The following FRMD3 variants were observed in gnomAD, a reference collection of about 807,000 sequenced individuals.
The protein encoded by FRMD3 is FERM domain containing 3.
Under a neutral mutation model 70.2 loss-of-function variants are expected in FRMD3, and 33 were observed. The ratio of observed to expected loss-of-function variants is 0.47; its 90% CI spans 0.36 to 0.63. FRMD3 has a LOEUF of 0.63. Ranked by LOEUF, FRMD3 falls within the 20% of genes least tolerant of loss-of-function variation. FRMD3 has a pLI of 0.00. For missense variants in FRMD3, 632 were observed against 711.4 expected (o/e 0.89, Z 1.27); for synonymous variants, 279 against 255.9 (o/e 1.09, Z -0.86).
At chr9:83,285,990 T>C (rs1201795071) in intron 13 of FRMD3, among the ~76,000 whole-genome samples, 1 of 152,204 alleles carries the variant, frequency 6.6e-6, no homozygotes, top group African/African-American at 2.4e-5. Flanking sequence ...GGAACTGATT[T>C]TGTTTTTTCT....
chr9:83,517,506 A>C (rs1383698260), intron 1 of FRMD3, among the ~76,000 whole-genome samples: 1 of 150,628 alleles, frequency 6.6e-6, no homozygotes, highest in East Asian at 1.9e-4. Context: ...AAAAAAAAAA[A>C]AAAAAAAAAA....
chr9:83,312,690 C>T (rs1181300005), intron 7 of FRMD3, among the ~76,000 whole-genome samples: 2 of 152,164 alleles, frequency 1.3e-5, no homozygotes, highest in African/African-American at 4.8e-5. Context: ...CCTGGCTCTC[C>T]GCCTTGGCTG....
chr9:83,362,211 A>ATCTCTCTCTCTC (rs1564035399), intron 3 of FRMD3, among the ~76,000 whole-genome samples: 1 of 141,664 alleles, frequency 7.1e-6, no homozygotes, highest in African/African-American at 2.6e-5. Flanking sequence ...CTCTCTCTCA[A>ATCTCTCTCTCTC]TCTCAATCTC....
Position 83,245,000 on chromosome 9 carries a change from T to C in FRMD3, c.*2918A>G. 1 of 983,868 alleles carries C rather than the reference T, an allele frequency of 1.0e-6. No homozygotes were observed. Among genetic ancestry groups the C allele is most frequent in the Non-Finnish European group, 1.2e-6 (1 of 828,480 alleles). 60.9% of individuals were successfully genotyped at this position (983,868 alleles called of 1,614,324 possible). Reference sequence around the variant, plus strand: ...TGTGTGTATTATATATATTTATTTATATCCACAAATGTACACTCAGTGGCA... The same window carrying C: ...TGTGTGTATTATATATATTTATTTACATCCACAAATGTACACTCAGTGGCA... On this transcript the variant is annotated 3_prime_UTR_variant, in exon 14 of 14. Coordinates refer to ENST00000304195, the MANE Select transcript of FRMD3 (RefSeq NM_174938.6).
intron 3 of FRMD3, among the ~76,000 whole-genome samples, chr9:83,360,681 C>A (rs1358361850): frequency 1.6e-4 from 25 of 152,178 alleles, no homozygotes; most frequent in Admixed American, 1.6e-3. Flanking sequence ...ACGAGGAGTG[C>A]TAGGTACTCC....
At chr9:83,357,274 TATATATA>T (rs1824422304) in intron 3 of FRMD3, among the ~76,000 whole-genome samples, 3 of 58,046 alleles carry the variant, frequency 5.2e-5, no homozygotes, top group African/African-American at 2.5e-4. Context: ...TATATATATA[TATATATA>T]TATATATATA....
At chr9:83,416,753 C>CTCTCTG (rs1826459047) in intron 1 of FRMD3, among the ~76,000 whole-genome samples, 1 of 101,028 alleles carries the variant, frequency 9.9e-6, no homozygotes, top group Non-Finnish European at 1.9e-5. Flanking sequence ...CTGTCTCTCT[C>CTCTCTG]TCTCTCTCTC....
chr9:83,447,299 A>G (rs191231531), intron 1 of FRMD3, among the ~76,000 whole-genome samples: 2,485 of 152,326 alleles, frequency 0.016, 37 homozygotes, highest in Non-Finnish European at 0.027. Context: ...CTGGGATTAC[A>G]GGCGTGAGCC....
chr9:83,500,380 A>G (rs1434400659), intron 1 of FRMD3, among the ~76,000 whole-genome samples: 1 of 152,100 alleles, frequency 6.6e-6, no homozygotes, highest in Non-Finnish European at 1.5e-5. Flanking sequence ...TAATTTTTCT[A>G]TATGCCTACA....
intron 1 of FRMD3, among the ~76,000 whole-genome samples, chr9:83,405,775 A>G (rs1012414689): frequency 6.6e-6 from 1 of 151,428 alleles, no homozygotes; most frequent in Non-Finnish European, 1.5e-5. Context: ...AAAAAAAAAG[A>G]AAGAAAGTGT....
At chr9:83,384,806 A>G (rs1825465533) in intron 2 of FRMD3, among the ~76,000 whole-genome samples, 2 of 152,218 alleles carry the variant, frequency 1.3e-5, no homozygotes, top group Admixed American at 1.3e-4. Flanking sequence ...AAATCAGAAA[A>G]GTCAACAACA....
chr9:83,373,261 T>A (rs886814098), intron 2 of FRMD3, among the ~76,000 whole-genome samples: 1 of 152,210 alleles, frequency 6.6e-6, no homozygotes, highest in Non-Finnish European at 1.5e-5. Flanking sequence ...TCCTAGGTGA[T>A]TCTTTGAGCT....
intron 4 of FRMD3, among the ~76,000 whole-genome samples, chr9:83,349,356 G>T (rs1431166998): frequency 6.6e-6 from 1 of 152,122 alleles, no homozygotes; most frequent in Admixed American, 6.5e-5. Flanking sequence ...GGACTGTACT[G>T]GGTATGAATT....
intron 1 of FRMD3, among the ~76,000 whole-genome samples, chr9:83,460,489 A>AT (rs1475261387): frequency 3.3e-5 from 5 of 152,180 alleles, no homozygotes; most frequent in African/African-American, 1.2e-4. Flanking sequence ...GCAAATGCCC[A>AT]TAGGTCCCAA....
intron 12 of FRMD3, among the ~76,000 whole-genome samples, chr9:83,293,490 T>A (rs1250282365): frequency 6.6e-6 from 1 of 152,202 alleles, no homozygotes; most frequent in Non-Finnish European, 1.5e-5. Context: ...GCTACAACGA[T>A]GGGCCCTCGG....
chr9:83,301,153 C>A (rs572841519), intron 10 of FRMD3, among the ~76,000 whole-genome samples: 203 of 152,208 alleles, frequency 1.3e-3, no homozygotes, highest in African/African-American at 4.6e-3. Flanking sequence ...CTGGGGGGGG[C>A]CCTGCAGTGT....
intron 3 of FRMD3, among the ~76,000 whole-genome samples, chr9:83,370,016 TG>T (rs2131250068): frequency 6.6e-6 from 1 of 152,318 alleles, no homozygotes; most frequent in African/African-American, 2.4e-5. Context: ...CAGCCAACCC[TG>T]GGAAACATCA....
At chr9:83,243,304 T>C (rs1831943244), downstream of FRMD3, 3 of 1,314,352 alleles carry the variant, frequency 2.3e-6, no homozygotes, top group Non-Finnish European at 3.2e-6. Flanking sequence ...CTTCAGCACA[T>C]TGTCTCCACC....
At chr9:83,322,577 T>C (rs187224289) in intron 6 of FRMD3, among the ~76,000 whole-genome samples, 1 of 152,328 alleles carries the variant, frequency 6.6e-6, no homozygotes, top group East Asian at 1.9e-4. Context: ...GAGGCCACTG[T>C]AGGCTTGGAT....
Sources: gnomAD v4.1 joint callset for allele counts (sites outside exome capture counted in the v4.1 genomes callset) on GRCh38, gnomAD v4.1.1 for gene constraint, MANE v1.5 for transcripts, NCBI Gene and HGNC (gene_info 2026-07-23, HGNC 2026-07-21) for gene names.